The following USP24 variants were observed in gnomAD, a reference collection of about 807,000 sequenced individuals.
USP24 encodes the protein ubiquitin specific peptidase 24.
USP24 carries 97 observed loss-of-function variants against 361.6 expected under a neutral mutation model. That is an observed-to-expected ratio of 0.27 (90% confidence interval 0.23 to 0.32). USP24 has a LOEUF of 0.32. Among genes scored for constraint, USP24 ranks in the 10% least tolerant of loss-of-function variants. USP24 has a pLI of 1.00. For missense variants in USP24, 2,353 were observed against 3,165.6 expected, an observed-to-expected ratio of 0.74 and a Z score of 6.16; for synonymous variants, 1,098 against 1,124.6, an observed-to-expected ratio of 0.98 and a Z score of 0.47.
At chr1:55,156,830 C>T (rs1472685629) in intron 12 of USP24, 118 bp downstream of exon 12, 5 of 686,624 alleles carry the variant, frequency 7.3e-6, no homozygotes, top group Non-Finnish European at 1.3e-5. Flanking sequence ...GGGTTAGGTA[C>T]AGCTGCTCTG....
intron 28 of USP24, among the ~76,000 whole-genome samples, chr1:55,135,979 C>T (rs1425833362): frequency 1.3e-5 from 2 of 151,904 alleles, no homozygotes; most frequent in South Asian, 2.1e-4. Flanking sequence ...TTTTAGGTGT[C>T]GAGGACGCAG....
intron 17 of USP24, 64 bp downstream of exon 17, chr1:55,148,399 C>A (rs1311213679): frequency 2.2e-5 from 28 of 1,249,938 alleles, no homozygotes; most frequent in Non-Finnish European, 3.1e-5. Flanking sequence ...CAATTTTAGC[C>A]ATGTTTTGTT....
chr1:55,067,109 CGTT>C lies in USP24; in HGVS notation c.*1933_*1935del, dbSNP rs1644837213. On this transcript the variant is annotated 3_prime_UTR_variant, in exon 68 of 68. Transcript: ENST00000294383. ...CGGCAGGTGCTAGGGGTGCGGAAGG[CGTT>C]GTTTCCATAGGAAATAAGGGGACTA... 1.3e-5 allele frequency: 2 copies of C among 152,058 alleles called. No individual in the cohort carries two copies. Among genetic ancestry groups the C allele is most frequent in the African/African-American group, 4.8e-5 (2 of 41,368 alleles). The allele number at this position is 152,058 out of a possible 1,614,324, so 9.4% of individuals were successfully genotyped here. A position where few individuals can be genotyped will look rare whatever the true frequency, so the allele number is the denominator to read the frequency against.
chr1:55,172,354 A>G, intron 4 of USP24, 23 bp downstream of exon 4: 5 of 1,566,260 alleles, frequency 3.2e-6, no homozygotes, highest in Non-Finnish European at 4.3e-6. Context: ...AACACAAAGT[A>G]CTTAATTTTA....
intron 42 of USP24, 54 bp downstream of exon 42, chr1:55,103,822 T>C: frequency 6.4e-7 from 1 of 1,551,770 alleles, no homozygotes; most frequent in South Asian, 1.2e-5. Flanking sequence ...TAAAATTATA[T>C]GTTTCAGAGA....
chr1:55,188,402 G>GA (rs1444579742), intron 1 of USP24, among the ~76,000 whole-genome samples: 1 of 150,082 alleles, frequency 6.7e-6, no homozygotes, highest in Non-Finnish European at 1.5e-5. Flanking sequence ...TTAAGAAAGT[G>GA]AAAAAAAGAA....
At chr1:55,143,215 C>T in intron 21 of USP24, 96 bp from the exon 22 acceptor site, 2 of 849,138 alleles carry the variant, frequency 2.4e-6, no homozygotes, top group Non-Finnish European at 3.4e-6. Flanking sequence ...GAGTCCACAC[C>T]TCTTCAGTTC....
chr1:55,213,581 C>T (rs1373488021), intron 1 of USP24, among the ~76,000 whole-genome samples: 1 of 152,190 alleles, frequency 6.6e-6, no homozygotes, highest in Non-Finnish European at 1.5e-5. Context: ...TACCTAATAA[C>T]GCAATCCCAA....
chr1:55,072,506 G>T (rs906544237), intron 65 of USP24, 103 bp from the exon 66 acceptor site: 46 of 959,570 alleles, frequency 4.8e-5, no homozygotes, highest in South Asian at 1.6e-4. Flanking sequence ...TCCCAAGTAG[G>T]GTACAAGTCT....
At position 55,096,935 on chromosome 1, in the gene USP24, C is replaced by T. The variant is rs1645509197; in HGVS notation, c.5936+17G>A. The T allele has an allele frequency of 6.2e-7, 1 of 1,608,968 alleles. No homozygotes were observed. Among genetic ancestry groups the T allele is most frequent in the Non-Finnish European group, 8.5e-7 (1 of 1,177,074 alleles). The stretch of plus-strand genomic sequence containing the variant: ...GAGGGCAGAAAGTGAGTAAGTGCTG[C>T]CTCAGGAAACTCTTACCGCCTGTCC... On this transcript the variant is annotated intron_variant, in intron 49 of 67. Transcript: ENST00000294383.
At position 55,147,658 on chromosome 1, in the gene USP24, A is replaced by T; in HGVS notation, c.2109T>A (p.Thr703=). The change falls in exon 18 of 68, where the codon ACT becomes ACA. Residue 703 remains threonine, a synonymous_variant. Transcript: ENST00000294383. ...SGSTLVDGRY[T]YREYLEAHLK... Reference sequence around the variant, plus strand: ...ACACAAGGCCTGATACCTCCCGGTAAGTGTACCGGCCATCCACTAGTGTCG... The same window carrying T: ...ACACAAGGCCTGATACCTCCCGGTATGTGTACCGGCCATCCACTAGTGTCG... 1 of 1,605,742 alleles carries T rather than the reference A, an allele frequency of 6.2e-7. No individual in the cohort carries two copies. Among genetic ancestry groups the T allele is most frequent in the South Asian group, 1.1e-5 (1 of 89,512 alleles).
chr1:55,075,802 A>G (rs1015108542), intron 62 of USP24, among the ~76,000 whole-genome samples: 3 of 152,100 alleles, frequency 2.0e-5, no homozygotes, highest in Non-Finnish European at 4.4e-5. Flanking sequence ...TCCCATCTCT[A>G]AAAAATAAAA....
At chr1:55,168,539 G>A (rs1460545229) in intron 5 of USP24, among the ~76,000 whole-genome samples, 5 of 152,132 alleles carry the variant, frequency 3.3e-5, no homozygotes, top group Admixed American at 6.6e-5. Context: ...CCTGGTGACC[G>A]TAAGTGTCCA....
At chr1:55,096,857 C>A (rs189667209) in intron 49 of USP24, 95 bp downstream of exon 49, 1 of 1,462,212 alleles carries the variant, frequency 6.8e-7, no homozygotes, top group Non-Finnish European at 9.3e-7. Flanking sequence ...AAGAACAATG[C>A]CAAAGTGTCC....
At chr1:55,085,900 A>G (rs1432524273) in intron 56 of USP24, 42 bp downstream of exon 56, 4 of 1,578,368 alleles carry the variant, frequency 2.5e-6, no homozygotes, top group Non-Finnish European at 3.5e-6. Context: ...AACATTTGGT[A>G]AAAACACAGT....
At chr1:55,147,296 TTTC>T in intron 18 of USP24, among the ~76,000 whole-genome samples, 1 of 152,300 alleles carries the variant, frequency 6.6e-6, no homozygotes, top group Admixed American at 6.5e-5. Flanking sequence ...TAAAATGTAA[TTTC>T]AGCAATCTCA....
intron 63 of USP24, 68 bp downstream of exon 63, chr1:55,075,389 C>G (rs375240564): frequency 1.3e-5 from 19 of 1,445,696 alleles, no homozygotes; most frequent in Non-Finnish European, 1.5e-5. Context: ...GGAGGCAGAA[C>G]TGGCCAGAAC....
intron 48 of USP24, 108 bp downstream of exon 48, chr1:55,097,490 C>G (rs1182904516): frequency 2.1e-6 from 3 of 1,433,490 alleles, no homozygotes; most frequent in Non-Finnish European, 2.8e-6. Flanking sequence ...AATGCTGAGA[C>G]AACAGCCTTA....
At position 55,171,662 on chromosome 1, in the gene USP24, T is replaced by A; in HGVS notation, c.719A>T (p.Asn240Ile). ...GVLTMAFNPD[N>I]EYHFKNRMKV... ...CATTCTGTTTTTAAAATGGTATTCA[T>A]TATCAGGATTGAAAGCCTAGATTCA... The change falls in exon 5 of 68, where the codon AAT (asparagine) becomes ATT (isoleucine). Residue 240 changes from asparagine (N) to isoleucine (I), a missense_variant. By Grantham distance (149) the Asn-to-Ile change is moderately radical. Transcript: ENST00000294383. 6.2e-7 allele frequency: 1 copy of A among 1,604,200 alleles called. No individual in the cohort carries two copies. The highest frequency in any genetic ancestry group is 2.2e-5 in the East Asian group (1 of 44,636).
Sources: allele counts gnomAD v4.1 joint callset (sites outside exome capture counted in the v4.1 genomes callset), GRCh38; gene constraint gnomAD v4.1.1; transcripts MANE v1.5; gene names NCBI Gene and HGNC (gene_info 2026-07-23, HGNC 2026-07-21).